The following AMPH variants were observed in gnomAD, a reference collection of about 807,000 sequenced individuals.
AMPH encodes the protein amphiphysin (Stiff-Mann syndrome with breast cancer 128kD autoantigen).
AMPH carries 49 observed loss-of-function variants against 99.1 expected under a neutral mutation model. The observed-to-expected ratio is 0.49, with a 90% confidence interval of 0.39 to 0.63. The LOEUF (loss-of-function observed/expected upper bound fraction) is 0.63. Ranked by LOEUF, AMPH falls within the 20% of genes least tolerant of loss-of-function variation. AMPH has a pLI of 0.00. For synonymous variants in AMPH, 314 were observed against 317.3 expected (o/e 0.99, Z 0.11); for missense variants, 759 against 863.4 (o/e 0.88, Z 1.52).
At chr7:38,616,970 A>C (rs1793894859) in intron 1 of AMPH, among the ~76,000 whole-genome samples, 1 of 152,332 alleles carries the variant, frequency 6.6e-6, no homozygotes, top group East Asian at 1.9e-4. Flanking sequence ...ATACAGATAG[A>C]AGTAGATATA....
chr7:38,418,089 C>T (rs1026972507), intron 16 of AMPH, 139 bp from the exon 17 acceptor site: 5 of 894,758 alleles, frequency 5.6e-6, no homozygotes, highest in Non-Finnish European at 8.2e-6. Flanking sequence ...GGAGAAAAGC[C>T]CCCATTTGCC....
intron 2 of AMPH, among the ~76,000 whole-genome samples, chr7:38,518,449 G>C (rs1421255997): frequency 1.3e-5 from 2 of 152,202 alleles, no homozygotes; most frequent in Non-Finnish European, 2.9e-5. Flanking sequence ...TGAGGCCATG[G>C]GGGCCCAACC....
At chr7:38,581,618 T>C (rs1171504959) in intron 1 of AMPH, among the ~76,000 whole-genome samples, 3 of 152,168 alleles carry the variant, frequency 2.0e-5, no homozygotes, top group African/African-American at 7.2e-5. Flanking sequence ...AACAGACTGA[T>C]GGCTGTGTGA....
chr7:38,405,069 G>GA (rs1011272589), intron 17 of AMPH, among the ~76,000 whole-genome samples: 66 of 148,108 alleles, frequency 4.5e-4, no homozygotes, highest in Non-Finnish European at 7.0e-4. Flanking sequence ...CCTTCTTAAA[G>GA]AAAAAAAAAA....
intron 2 of AMPH, among the ~76,000 whole-genome samples, chr7:38,531,519 TAAAGA>T (rs1168669638): frequency 1.3e-5 from 2 of 152,110 alleles, no homozygotes; most frequent in Non-Finnish European, 1.5e-5. Context: ...TGGAATAAAA[TAAAGA>T]AAAGCCCCAA....
At chr7:38,457,554 G>T (rs182416765) in intron 11 of AMPH, among the ~76,000 whole-genome samples, 7 of 152,282 alleles carry the variant, frequency 4.6e-5, no homozygotes, top group Admixed American at 2.6e-4. Context: ...TGATATTTGG[G>T]ACAATATAAT....
intron 1 of AMPH, among the ~76,000 whole-genome samples, chr7:38,605,113 T>C (rs1584296118): frequency 6.6e-6 from 1 of 152,172 alleles, no homozygotes; most frequent in East Asian, 1.9e-4. Context: ...ATAATAAGTA[T>C]GGCTACAGAA....
At chr7:38,619,391 A>C (rs1404495640) in intron 1 of AMPH, among the ~76,000 whole-genome samples, 1 of 152,208 alleles carries the variant, frequency 6.6e-6, no homozygotes, top group Admixed American at 6.5e-5. Flanking sequence ...AGAGCACTAA[A>C]ATACATGAAG....
At chr7:38,524,128 T>C (rs1041190135) in intron 2 of AMPH, among the ~76,000 whole-genome samples, 4 of 152,150 alleles carry the variant, frequency 2.6e-5, no homozygotes, top group African/African-American at 9.7e-5. Flanking sequence ...CTTTCTTCTG[T>C]AGTAATCTTC....
At chr7:38,460,024 C>T (rs1234909636) in intron 11 of AMPH, among the ~76,000 whole-genome samples, 1 of 151,870 alleles carries the variant, frequency 6.6e-6, no homozygotes, top group East Asian at 1.9e-4. Flanking sequence ...AAAAAGTGGG[C>T]TAAGGACATA....
intron 2 of AMPH, among the ~76,000 whole-genome samples, chr7:38,505,582 A>T (rs1220704529): frequency 6.6e-6 from 1 of 152,182 alleles, no homozygotes; most frequent in African/African-American, 2.4e-5. Flanking sequence ...GTGATGGCAA[A>T]CTTCCATCAG....
At chr7:38,573,965 T>C (rs959326751) in intron 1 of AMPH, among the ~76,000 whole-genome samples, 1 of 152,244 alleles carries the variant, frequency 6.6e-6, no homozygotes, top group Admixed American at 6.5e-5. Flanking sequence ...TGAAGTAACT[T>C]GACCACTTGC....
chr7:38,443,929 T>C (rs58755842), intron 11 of AMPH, among the ~76,000 whole-genome samples: 8,613 of 151,164 alleles, frequency 0.057, 636 homozygotes, highest in East Asian at 0.35. Flanking sequence ...TGATAATATA[T>C]ATAGAAAAAT....
chr7:38,432,622 A>ACACC, intron 12 of AMPH, among the ~76,000 whole-genome samples: 1 of 141,942 alleles, frequency 7.0e-6, no homozygotes, highest in African/African-American at 2.6e-5. Context: ...ACACACACAC[A>ACACC]CCTCATTAAA....
Position 38,491,033 on chromosome 7 carries a change from GAC to G in AMPH, c.396+15_396+16del, listed in dbSNP as rs779724036. On this transcript the variant is annotated intron_variant, in intron 5 of 20. Coordinates refer to ENST00000356264, the MANE Select transcript of AMPH (RefSeq NM_001635.4). ...ACCCCACTCAATCCTTCCCTTTATA[GAC>G]ACAGAGTAAAATACCTTTATGTCAG... The G allele has an allele frequency of 6.5e-7, 1 of 1,544,608 alleles. No individual in the cohort carries two copies. Among genetic ancestry groups the G allele is most frequent in the Non-Finnish European group, 8.9e-7 (1 of 1,117,640 alleles).
intron 1 of AMPH, among the ~76,000 whole-genome samples, chr7:38,623,894 C>G (rs1013438568): frequency 2.0e-5 from 3 of 152,182 alleles, no homozygotes; most frequent in African/African-American, 7.2e-5. Flanking sequence ...CAACATTGCA[C>G]TGAAGCACAT....
intron 1 of AMPH, among the ~76,000 whole-genome samples, chr7:38,617,330 T>C (rs1793910721): frequency 1.3e-5 from 2 of 152,194 alleles, no homozygotes; most frequent in Admixed American, 6.5e-5. Context: ...CAGAGATCTC[T>C]AGATGCCATG....
chr7:38,608,772 T>C (rs117692213), intron 1 of AMPH, among the ~76,000 whole-genome samples: 2,291 of 152,318 alleles, frequency 0.015, 22 homozygotes, highest in Non-Finnish European at 0.022. Context: ...TTAACCCACA[T>C]GTGCAGTACA....
intron 7 of AMPH, among the ~76,000 whole-genome samples, chr7:38,470,157 A>T: frequency 6.6e-6 from 1 of 152,100 alleles, no homozygotes; most frequent in Middle Eastern, 3.4e-3. Flanking sequence ...ACATATCTTC[A>T]GTCCTAAATT....
Sources: allele counts gnomAD v4.1 joint callset (sites outside exome capture counted in the v4.1 genomes callset), GRCh38; gene constraint gnomAD v4.1.1; transcripts MANE v1.5; gene names NCBI Gene and HGNC (gene_info 2026-07-23, HGNC 2026-07-21).